Variants in GPD2 observed in about 807,000 individuals in gnomAD.
The protein encoded by GPD2 is glycerol-3-phosphate dehydrogenase, mitochondrial.
In GPD2, 54 loss-of-function variants were observed where a neutral mutation model predicts 82.4. The observed-to-expected ratio is 0.66, with a 90% CI of 0.53 to 0.82. The LOEUF is 0.82. GPD2 is among the 40% of genes least tolerant of loss of function. The pLI, the probability that GPD2 is intolerant of heterozygous loss-of-function variation, is 0.00. For missense variants in GPD2, 748 were observed against 896.2 expected (o/e 0.83, Z 2.11); for synonymous variants, 288 against 306.1 (o/e 0.94, Z 0.62).
intron 1 of GPD2, among the ~76,000 whole-genome samples, chr2:156,437,772 TC>T (rs1487162113): frequency 2.0e-5 from 3 of 152,234 alleles, no homozygotes; most frequent in Non-Finnish European, 4.4e-5. Context: ...CCCTTGTGAT[TC>T]ATTCAAAGAT....
At position 156,489,787 on chromosome 2, in the gene GPD2, C is replaced by T. The variant is rs1366755475; in HGVS notation, c.103-6257C>T. ...TTCGTCCCTTCCCTCCTCTCCCCTC[C>T]GCTCCCCTTCCTTCCTCCCCTCCCT... On this transcript the variant is annotated intron_variant, in intron 2 of 16. Transcript: ENST00000438166. Among the ~76,000 whole-genome samples the T allele has an allele frequency of 4.5e-4, 9 of 20,182 alleles. 1 individual carries two copies. Among genetic ancestry groups the T allele is most frequent in the East Asian group, 1.2e-3 (1 of 808 alleles). The allele number at this position is 20,182 out of a possible 152,430, so 13.2% of individuals were successfully genotyped here. A position where few individuals can be genotyped will look rare whatever the true frequency, so the allele number is the denominator to read the frequency against.
At chr2:156,418,529 G>T in the GPD2 span, among the ~76,000 whole-genome samples, 8 of 152,276 alleles carry the variant, frequency 5.3e-5, no homozygotes, top group South Asian at 1.5e-3. Flanking sequence ...GCAACCAAGG[G>T]ACTTCTACCC....
chr2:156,569,004 T>G, intron 10 of GPD2, 45 bp downstream of exon 10: 2 of 1,525,520 alleles, frequency 1.3e-6, no homozygotes, highest in Non-Finnish European at 1.8e-6. Context: ...TTTTTTTTTT[T>G]TTGTTATAGG....
chr2:156,505,062 G>A (rs982697577), intron 3 of GPD2, among the ~76,000 whole-genome samples: 1 of 152,040 alleles, frequency 6.6e-6, no homozygotes, highest in African/African-American at 2.4e-5. Flanking sequence ...ATTTCATGTT[G>A]TGAAAGTTAA....
At chr2:156,426,620 C>T in the GPD2 span, among the ~76,000 whole-genome samples, 1 of 152,192 alleles carries the variant, frequency 6.6e-6, no homozygotes, top group Non-Finnish European at 1.5e-5. Flanking sequence ...CATTGAAAGA[C>T]TGTTGTTAGA....
At chr2:156,470,479 A>T (rs1683291803) in intron 1 of GPD2, among the ~76,000 whole-genome samples, 1 of 152,246 alleles carries the variant, frequency 6.6e-6, no homozygotes, top group Admixed American at 6.5e-5. Flanking sequence ...GATTACAGGT[A>T]TAAGCCACTG....
intron 6 of GPD2, 45 bp from the exon 7 acceptor site, chr2:156,549,563 C>T (rs912712568): frequency 1.5e-5 from 23 of 1,561,658 alleles, no homozygotes; most frequent in Non-Finnish European, 2.0e-5. Context: ...CAGTCTGTGG[C>T]TCGAGGTGAC....
rs1328096514 is a variant in GPD2, at chr2:156,543,435, G to A, written c.662-6173G>A. ...TATCATTAGAATTGATGTCCCATAA[G>A]TCTGTAACTGTGTCTCTTTGGCTGT... On this transcript the variant is annotated intron_variant, in intron 6 of 16. Coordinates refer to ENST00000438166, the MANE Select transcript of GPD2 (RefSeq NM_000408.5). 2.0e-5 allele frequency among the ~76,000 whole-genome samples: 3 copies of A among 152,182 alleles called. No homozygotes were observed. In the East Asian group the frequency reaches 5.8e-4, roughly 29 times the overall value.
intron 9 of GPD2, among the ~76,000 whole-genome samples, chr2:156,568,617 C>A (rs1455971367): frequency 6.6e-6 from 1 of 152,024 alleles, no homozygotes; most frequent in African/African-American, 2.4e-5. Flanking sequence ...TTTACTTTTT[C>A]ATGGAAATTA....
intron 8 of GPD2, among the ~76,000 whole-genome samples, chr2:156,554,602 G>A (rs558114792): frequency 1.5e-4 from 23 of 152,110 alleles, no homozygotes; most frequent in African/African-American, 5.5e-4. Flanking sequence ...TTTTAATTTC[G>A]GAAAACACAA....
intron 3 of GPD2, among the ~76,000 whole-genome samples, chr2:156,505,387 A>G (rs749803054): frequency 2.6e-5 from 4 of 152,176 alleles, no homozygotes; most frequent in Non-Finnish European, 5.9e-5. Context: ...TTACTGTCGC[A>G]AAATTCCCCA....
At position 156,564,228 on chromosome 2, in the gene GPD2, T is replaced by C. The variant is rs573724964; in HGVS notation, c.1166-4597T>C. Among the ~76,000 whole-genome samples the C allele has an allele frequency of 1.1e-4, 16 of 152,282 alleles. 1 individual carries two copies. The highest frequency in any genetic ancestry group is 3.8e-4 in the African/African-American group (16 of 41,580). ...GGGTCTAAGATATATTACTCTTATTTATCTTCACTCTGCCATCCTCCAAGG... is the reference window on the plus strand; with the variant it reads ...GGGTCTAAGATATATTACTCTTATTCATCTTCACTCTGCCATCCTCCAAGG... On this transcript the variant is annotated intron_variant, in intron 9 of 16. Coordinates refer to ENST00000438166, the MANE Select transcript of GPD2 (RefSeq NM_000408.5).
At chr2:156,445,852 T>C (rs900480379) in intron 1 of GPD2, among the ~76,000 whole-genome samples, 2 of 152,224 alleles carry the variant, frequency 1.3e-5, no homozygotes, top group Non-Finnish European at 2.9e-5. Flanking sequence ...TAAAAGATGA[T>C]GGTTAGTGGT....
At chr2:156,566,211 G>A (rs1230295246) in intron 9 of GPD2, among the ~76,000 whole-genome samples, 1 of 151,972 alleles carries the variant, frequency 6.6e-6, no homozygotes, top group South Asian at 2.1e-4. Context: ...TTTAGATTAT[G>A]GTTAAATATG....
the GPD2 span, among the ~76,000 whole-genome samples, chr2:156,422,808 C>T: frequency 6.6e-6 from 1 of 151,908 alleles, no homozygotes; most frequent in African/African-American, 2.4e-5. Context: ...TTTCTTGTCA[C>T]TGAATGATGT....
intron 13 of GPD2, among the ~76,000 whole-genome samples, chr2:156,575,621 G>A (rs1198000093): frequency 1.3e-5 from 2 of 151,706 alleles, no homozygotes. Context: ...GTCCGGGCTG[G>A]TCTCAAACTC....
chr2:156,524,541 C>T (rs960468513), intron 6 of GPD2, among the ~76,000 whole-genome samples: 29 of 152,282 alleles, frequency 1.9e-4, no homozygotes, highest in African/African-American at 6.3e-4. Context: ...GTATGGCTAG[C>T]TTGGACTTTT....
intron 1 of GPD2, chr2:156,473,622 T>C (rs1338744066): frequency 6.6e-6 from 1 of 152,226 alleles, no homozygotes; most frequent in Non-Finnish European, 1.5e-5. Context: ...GAGTCAGGCA[T>C]GTGCGTTGTT....
chr2:156,526,204 C>CAA (rs1356845288), intron 6 of GPD2, among the ~76,000 whole-genome samples: 1 of 152,114 alleles, frequency 6.6e-6, no homozygotes, highest in Non-Finnish European at 1.5e-5. Flanking sequence ...ACAGCCTTAG[C>CAA]CATCAATAAA....
Sources: gnomAD v4.1 joint callset for allele counts (sites outside exome capture counted in the v4.1 genomes callset) on GRCh38, gnomAD v4.1.1 for gene constraint, MANE v1.5 for transcripts, NCBI Gene and HGNC (gene_info 2026-07-23, HGNC 2026-07-21) for gene names.